Variants in CDK6 observed in about 807,000 individuals in gnomAD.
CDK6 encodes the protein cyclin dependent kinase 6.
CDK6 carries 6 observed loss-of-function variants against 37.1 expected under a neutral mutation model. The ratio of observed to expected loss-of-function variants is 0.16; its 90% CI spans 0.09 to 0.32. The LOEUF is 0.32. Among genes scored for constraint, CDK6 ranks in the 10% least tolerant of loss-of-function variants. The pLI is 1.00. For missense variants in CDK6, 224 were observed against 418.9 expected (o/e 0.53, Z 4.06); for synonymous variants, 160 against 161.3 (o/e 0.99, Z 0.06).
intron 2 of CDK6, among the ~76,000 whole-genome samples, chr7:92,778,846 A>G (rs1431515482): frequency 2.7e-5 from 4 of 150,352 alleles, no homozygotes; most frequent in Non-Finnish European, 5.9e-5. Flanking sequence ...TATTTAGTGA[A>G]AAAATTACAT....
Position 92,608,596 on chromosome 7 carries a change from G to A in CDK6, c.*6544C>T, listed in dbSNP as rs1382759422. ...ACTGAGCTTAGCGCCTGAGAGATGC[G>A]GGGTAGACAGCTTCACACAGGGCAG... On this transcript the variant is annotated 3_prime_UTR_variant, in exon 8 of 8. Coordinates refer to ENST00000424848, the MANE Select transcript of CDK6 (RefSeq NM_001145306.2). The A allele has an allele frequency of 1.3e-5, 3 of 231,944 alleles. No homozygotes were observed. The highest frequency in any genetic ancestry group is 2.2e-5 in the African/African-American group (1 of 45,252). The allele number at this position is 231,944 out of a possible 1,614,324, so 14.4% of individuals were successfully genotyped here.
At chr7:92,828,489 A>T (rs1312148082) in intron 2 of CDK6, among the ~76,000 whole-genome samples, 1 of 152,162 alleles carries the variant, frequency 6.6e-6, no homozygotes, top group African/African-American at 2.4e-5. Flanking sequence ...TCCAACCCTA[A>T]TATCCATGGT....
intron 3 of CDK6, among the ~76,000 whole-genome samples, chr7:92,766,250 T>C (rs1483578983): frequency 1.3e-5 from 2 of 152,116 alleles, no homozygotes; most frequent in Admixed American, 1.3e-4. Context: ...AGGAAGCTGG[T>C]TGATGGGTTA....
At chr7:92,768,272 C>T (rs534339249) in intron 3 of CDK6, among the ~76,000 whole-genome samples, 56 of 152,094 alleles carry the variant, frequency 3.7e-4, no homozygotes, top group Non-Finnish European at 6.0e-4. Flanking sequence ...AAACCACGTT[C>T]GCAAGTTAAA....
intron 2 of CDK6, among the ~76,000 whole-genome samples, chr7:92,792,737 TAATGAGCTCAGTCTGGAA>T (rs1800315079): frequency 1.3e-5 from 2 of 151,966 alleles, no homozygotes; most frequent in Admixed American, 6.6e-5. Context: ...GTGAAGTAAT[TAATGAGCTCAGTCTGGAA>T]AAGATTAATT....
chr7:92,821,570 T>C (rs1246996868), intron 2 of CDK6, among the ~76,000 whole-genome samples: 1 of 152,092 alleles, frequency 6.6e-6, no homozygotes, highest in Non-Finnish European at 1.5e-5. Flanking sequence ...TACTCTACTT[T>C]ATTAACAACT....
intron 2 of CDK6, among the ~76,000 whole-genome samples, chr7:92,786,948 C>T (rs1225869393): frequency 6.6e-6 from 1 of 151,910 alleles, no homozygotes; most frequent in Non-Finnish European, 1.5e-5. Flanking sequence ...CTCTGGGAGG[C>T]TGAGGGGGGT....
chr7:92,828,752 T>G (rs1010829399), intron 2 of CDK6, among the ~76,000 whole-genome samples: 1 of 152,186 alleles, frequency 6.6e-6, no homozygotes, highest in African/African-American at 2.4e-5. Flanking sequence ...AATAATTCTA[T>G]GTTGATAGTG....
chr7:92,673,506 C>T (rs1797135135), intron 4 of CDK6, among the ~76,000 whole-genome samples: 1 of 152,156 alleles, frequency 6.6e-6, no homozygotes, highest in Non-Finnish European at 1.5e-5. Flanking sequence ...AACAATGTTA[C>T]TCAAGTTACC....
intron 3 of CDK6, among the ~76,000 whole-genome samples, chr7:92,766,035 T>C (rs966320551): frequency 6.6e-6 from 1 of 150,570 alleles, no homozygotes; most frequent in Admixed American, 6.6e-5. Flanking sequence ...CAAGGAAGAG[T>C]GGAGGCAGAT....
At chr7:92,672,182 C>CAT (rs1797094448) in intron 4 of CDK6, among the ~76,000 whole-genome samples, 2 of 94,744 alleles carry the variant, frequency 2.1e-5, no homozygotes, top group Non-Finnish European at 4.1e-5. Flanking sequence ...CACACACACA[C>CAT]AGACACATAC....
At chr7:92,825,770 A>G (rs1415472739) in intron 2 of CDK6, among the ~76,000 whole-genome samples, 1 of 152,194 alleles carries the variant, frequency 6.6e-6, no homozygotes, top group African/African-American at 2.4e-5. Context: ...AAATGTATTT[A>G]TAATACCTTA....
rs550034756 is a variant in CDK6, at chr7:92,738,640, G to GAA, written c.370-12849_370-12848dup. Among the ~76,000 whole-genome samples the GAA allele has an allele frequency of 1.9e-3, 242 of 128,684 alleles. 2 individuals are homozygous for GAA. The highest frequency in any genetic ancestry group is 5.4e-3 in the African/African-American group (194 of 35,904). 84.4% of individuals were successfully genotyped at this position (128,684 alleles called of 152,430 possible). A position where few individuals can be genotyped will look rare whatever the true frequency, so the allele number is the denominator to read the frequency against. ...GCAACAAGGGCAAAACTCCATCTCC[G>GAA]AAAAAAAAAAAAAAAATTGGTATTA... On this transcript the variant is annotated intron_variant, in intron 3 of 7. Coordinates refer to ENST00000424848, the MANE Select transcript of CDK6 (RefSeq NM_001145306.2).
At chr7:92,702,408 T>G (rs1431183404) in intron 4 of CDK6, among the ~76,000 whole-genome samples, 1 of 151,778 alleles carries the variant, frequency 6.6e-6, no homozygotes, top group African/African-American at 2.4e-5. Flanking sequence ...AATTTTTGTA[T>G]TTTTGGTAAA....
intron 2 of CDK6, among the ~76,000 whole-genome samples, chr7:92,825,317 C>T (rs997927876): frequency 1.3e-5 from 2 of 152,090 alleles, no homozygotes; most frequent in African/African-American, 4.8e-5. Flanking sequence ...CTAAATGGCG[C>T]ATATTCTGTC....
intron 4 of CDK6, among the ~76,000 whole-genome samples, chr7:92,685,893 A>C (rs1797440933): frequency 6.6e-6 from 1 of 152,200 alleles, no homozygotes; most frequent in East Asian, 1.9e-4. Context: ...GTAACTTTGA[A>C]ATGACCAAGC....
At chr7:92,817,681 C>T (rs1801064751) in intron 2 of CDK6, among the ~76,000 whole-genome samples, 1 of 150,532 alleles carries the variant, frequency 6.6e-6, no homozygotes. Context: ...AAATAAAAGA[C>T]ATATATATAT....
intron 4 of CDK6, among the ~76,000 whole-genome samples, chr7:92,697,536 C>A (rs1400748867): frequency 6.6e-6 from 1 of 152,214 alleles, no homozygotes; most frequent in African/African-American, 2.4e-5. Context: ...CAACTAGCCA[C>A]TTGTCAGAGA....
chr7:92,745,881 T>C (rs746513195), intron 3 of CDK6, among the ~76,000 whole-genome samples: 15 of 152,204 alleles, frequency 9.9e-5, no homozygotes, highest in Non-Finnish European at 1.9e-4. Flanking sequence ...TTTTATTTGC[T>C]AAATCTGGCA....
Sources: gnomAD v4.1 joint callset for allele counts (sites outside exome capture counted in the v4.1 genomes callset) on GRCh38, gnomAD v4.1.1 for gene constraint, MANE v1.5 for transcripts, NCBI Gene and HGNC (gene_info 2026-07-23, HGNC 2026-07-21) for gene names.